Variants in PTBP3 observed in about 807,000 individuals in gnomAD.
The protein encoded by PTBP3 is polypyrimidine tract binding protein 3.
Under a neutral mutation model 58.7 loss-of-function variants are expected in PTBP3, and 20 were observed. That is an observed-to-expected ratio of 0.34 (90% CI 0.24 to 0.50). The LOEUF (loss-of-function observed/expected upper bound fraction) is 0.50. Among genes scored for constraint, PTBP3 ranks in the 20% least tolerant of loss-of-function variants. The pLI, the probability that PTBP3 is intolerant of heterozygous loss-of-function variation, is 0.98. For synonymous variants in PTBP3, 185 were observed against 219.8 expected, an observed-to-expected ratio of 0.84 and a Z score of 1.40; for missense variants, 509 against 637.2, an observed-to-expected ratio of 0.80 and a Z score of 2.17.
At chr9:112,312,647 CTCT>C (rs1253128064) in intron 1 of PTBP3, among the ~76,000 whole-genome samples, 3 of 151,562 alleles carry the variant, frequency 2.0e-5, no homozygotes, top group African/African-American at 4.8e-5. Context: ...GTTCTTTGTA[CTCT>C]TCTTATAATC....
intron 1 of PTBP3, among the ~76,000 whole-genome samples, chr9:112,299,408 A>T (rs1828820813): frequency 6.6e-6 from 1 of 152,228 alleles, no homozygotes; most frequent in South Asian, 2.1e-4. Context: ...AACAAAAGAC[A>T]TCATTAGGAG....
chr9:112,277,877 A>ATAACG (rs1022780349), intron 2 of PTBP3, among the ~76,000 whole-genome samples: 2 of 140,478 alleles, frequency 1.4e-5, no homozygotes, highest in Non-Finnish European at 3.1e-5. Flanking sequence ...CTGTCTCAAA[A>ATAACG]TAACGTAACA....
At chr9:112,308,721 A>C (rs1359677193) in intron 1 of PTBP3, among the ~76,000 whole-genome samples, 2 of 149,588 alleles carry the variant, frequency 1.3e-5, no homozygotes, top group African/African-American at 5.1e-5. Flanking sequence ...GTGAAGACAT[A>C]GGGGAGTGGC....
intron 1 of PTBP3, among the ~76,000 whole-genome samples, chr9:112,315,378 G>T (rs1587879700): frequency 6.6e-6 from 1 of 151,118 alleles, no homozygotes; most frequent in Admixed American, 6.6e-5. Flanking sequence ...AAAAATCATG[G>T]GCCAAAAGAG....
rs1437279254 is a variant in PTBP3, at chr9:112,220,770, C to T, written c.*3081G>A. On this transcript the variant is annotated 3_prime_UTR_variant, in exon 14 of 14. Coordinates refer to ENST00000374257, the MANE Select transcript of PTBP3 (RefSeq NM_001163788.4). ...CAAAGTAAATCATTTTGGTGTAATT[C>T]GCTACTGTTAAATGTGTACTGCTAT... 14 of 983,204 alleles carry T rather than the reference C, an allele frequency of 1.4e-5. No homozygotes were observed. Among genetic ancestry groups the T allele is most frequent in the Non-Finnish European group, 1.7e-5 (14 of 827,988 alleles). The allele number at this position is 983,204 out of a possible 1,614,324, so 60.9% of individuals were successfully genotyped here. A position where few individuals can be genotyped will look rare whatever the true frequency, so the allele number is the denominator to read the frequency against.
chr9:112,289,739 G>A (rs758164050), intron 2 of PTBP3, among the ~76,000 whole-genome samples: 3 of 151,466 alleles, frequency 2.0e-5, no homozygotes, highest in African/African-American at 2.4e-5. Context: ...CTGTGATTAC[G>A]TGATTATGTG....
At chr9:112,371,418 C>G in the PTBP3 span, among the ~76,000 whole-genome samples, 1 of 152,032 alleles carries the variant, frequency 6.6e-6, no homozygotes, top group South Asian at 2.1e-4. Flanking sequence ...GGATTTTTCA[C>G]GTGAACCCCT....
At chr9:112,374,339 G>A in the PTBP3 span, among the ~76,000 whole-genome samples, 1 of 152,206 alleles carries the variant, frequency 6.6e-6, no homozygotes, top group Non-Finnish European at 1.5e-5. Context: ...TAGGCCATCA[G>A]AATGTAATGT....
intron 7 of PTBP3, among the ~76,000 whole-genome samples, chr9:112,241,492 C>T (rs1835659153): frequency 6.6e-6 from 1 of 152,122 alleles, no homozygotes; most frequent in Non-Finnish European, 1.5e-5. Flanking sequence ...TACAGGTGTA[C>T]CATTTTGATC....
chr9:112,283,330 T>C (rs1327272574), intron 2 of PTBP3, among the ~76,000 whole-genome samples: 1 of 152,180 alleles, frequency 6.6e-6, no homozygotes, highest in East Asian at 1.9e-4. Flanking sequence ...ACTTGTTGAA[T>C]ACTTTTGACC....
the PTBP3 span, among the ~76,000 whole-genome samples, chr9:112,363,385 A>C: frequency 6.6e-6 from 1 of 151,972 alleles, no homozygotes; most frequent in African/African-American, 2.4e-5. Flanking sequence ...CTCTACAAAA[A>C]ATACCAGCCT....
Position 112,220,792 on chromosome 9 carries a change from C to T in PTBP3, c.*3059G>A, listed in dbSNP as rs1834780407. The T allele has an allele frequency of 2.0e-6, 2 of 981,380 alleles. No individual in the cohort carries two copies. The highest frequency in any genetic ancestry group is 4.7e-5 in the South Asian group (1 of 21,204). 60.8% of individuals were successfully genotyped at this position (981,380 alleles called of 1,614,324 possible). On this transcript the variant is annotated 3_prime_UTR_variant, in exon 14 of 14. Coordinates refer to ENST00000374257, the MANE Select transcript of PTBP3 (RefSeq NM_001163788.4). ...ATTCGCTACTGTTAAATGTGTACTG[C>T]TATTTTTTAAAGTCCTGAATATATA...
intron 5 of PTBP3, among the ~76,000 whole-genome samples, chr9:112,257,920 A>G (rs575047152): frequency 1.4e-5 from 2 of 147,324 alleles, no homozygotes; most frequent in African/African-American, 5.1e-5. Context: ...AGCCTGGGCT[A>G]TAAGAGTGAG....
the PTBP3 span, among the ~76,000 whole-genome samples, chr9:112,345,082 G>C: frequency 6.6e-6 from 1 of 151,998 alleles, no homozygotes; most frequent in Non-Finnish European, 1.5e-5. Flanking sequence ...GCGGTGAGCC[G>C]AGATGACACC....
At chr9:112,319,131 A>G (rs1829819855) in intron 1 of PTBP3, among the ~76,000 whole-genome samples, 1 of 124,320 alleles carries the variant, frequency 8.0e-6, no homozygotes, top group Admixed American at 8.0e-5. Context: ...CCGTCTCAAG[A>G]AAAAAAAAAA....
At chr9:112,309,763 G>A (rs931963067) in intron 1 of PTBP3, among the ~76,000 whole-genome samples, 13 of 151,662 alleles carry the variant, frequency 8.6e-5, no homozygotes, top group African/African-American at 3.2e-4. Flanking sequence ...ATTCCAGCCT[G>A]GGCGACAGAG....
rs1313198075 is a variant in PTBP3 at position 112,220,864 on chromosome 9, C to T, written c.*2987G>A. 1 of 967,650 alleles carries T rather than the reference C, an allele frequency of 1.0e-6. No individual in the cohort carries two copies. Among genetic ancestry groups the T allele is most frequent in the Non-Finnish European group, 1.2e-6 (1 of 814,058 alleles). 59.9% of individuals were successfully genotyped at this position (967,650 alleles called of 1,614,324 possible). A position where few individuals can be genotyped will look rare whatever the true frequency, so the allele number is the denominator to read the frequency against. ...CACCTTGAAAAGTGATGACAATACT[C>T]CTTAAAAATAAAATAAACTTAAAAA... On this transcript the variant is annotated 3_prime_UTR_variant, in exon 14 of 14. Transcript: ENST00000374257.
rs1834803006 is a variant in PTBP3, at chr9:112,221,440, A to G, written c.*2411T>C. On this transcript the variant is annotated 3_prime_UTR_variant, in exon 14 of 14. Transcript: ENST00000374257. Reference sequence around the variant, plus strand: ...CTTTGCTACACTTATGCTGAATGTTATGAGAATCATGAATTAATAAATTAC... The same window carrying G: ...CTTTGCTACACTTATGCTGAATGTTGTGAGAATCATGAATTAATAAATTAC... 1.0e-6 allele frequency: 1 copy of G among 985,562 alleles called. No homozygotes were observed. Among genetic ancestry groups the G allele is most frequent in the Non-Finnish European group, 1.2e-6 (1 of 829,762 alleles). The allele number at this position is 985,562 out of a possible 1,614,324, so 61.1% of individuals were successfully genotyped here.
intron 1 of PTBP3, among the ~76,000 whole-genome samples, chr9:112,326,424 T>C (rs1830160066): frequency 1.3e-5 from 2 of 152,220 alleles, no homozygotes; most frequent in African/African-American, 2.4e-5. Context: ...TGTGTTTCAG[T>C]AAAACTACAA....
Sources: allele counts gnomAD v4.1 joint callset (sites outside exome capture counted in the v4.1 genomes callset), GRCh38; gene constraint gnomAD v4.1.1; transcripts MANE v1.5; gene names NCBI Gene and HGNC (gene_info 2026-07-23, HGNC 2026-07-21).